NTRK2: variants seen among roughly 807,000 people sequenced by gnomAD.
The protein encoded by NTRK2 is neurotrophic receptor tyrosine kinase 2.
Under a neutral mutation model 94.5 loss-of-function variants are expected in NTRK2, and 13 were observed. That is an observed-to-expected ratio of 0.14 (90% CI 0.09 to 0.22). NTRK2 has a LOEUF of 0.22. Ranked by LOEUF, NTRK2 falls within the 10% of genes least tolerant of loss-of-function variation. The probability of loss-of-function intolerance (pLI) is 1.00; values close to 1 mark genes in which losing one functional copy is unlikely to be tolerated. For synonymous variants in NTRK2, 372 were observed against 407.4 expected, an observed-to-expected ratio of 0.91 and a Z score of 1.05; for missense variants, 639 against 1,071.2, an observed-to-expected ratio of 0.60 and a Z score of 5.63.
At chr9:84,843,411 G>C (rs115422153) in intron 12 of NTRK2, among the ~76,000 whole-genome samples, 6 of 152,100 alleles carry the variant, frequency 3.9e-5, no homozygotes, top group Admixed American at 2.0e-4. Context: ...CTTTCCTTCC[G>C]TTAGAGGTGG....
At chr9:84,806,331 G>A (rs1294603349) in intron 12 of NTRK2, among the ~76,000 whole-genome samples, 1 of 152,214 alleles carries the variant, frequency 6.6e-6, no homozygotes, top group African/African-American at 2.4e-5. Flanking sequence ...TTGAAGAATA[G>A]TCTGAGCGTC....
intron 6 of NTRK2, among the ~76,000 whole-genome samples, chr9:84,712,211 T>C (rs1295423738): frequency 1.3e-5 from 2 of 152,180 alleles, no homozygotes; most frequent in Non-Finnish European, 2.9e-5. Context: ...GCTTTGTCCT[T>C]GCCTGAAACC....
chr9:84,898,721 CT>C (rs1229674834), intron 14 of NTRK2, among the ~76,000 whole-genome samples: 1 of 150,800 alleles, frequency 6.6e-6, no homozygotes, highest in Non-Finnish European at 1.5e-5. Flanking sequence ...CTTTTTTTCT[CT>C]TTTTTTTCCT....
intron 9 of NTRK2, among the ~76,000 whole-genome samples, chr9:84,731,819 T>C (rs1441776319): frequency 6.6e-6 from 1 of 152,014 alleles, no homozygotes; most frequent in Non-Finnish European, 1.5e-5. Flanking sequence ...AAGATCCCCG[T>C]GTAATGTATC....
At chr9:84,920,476 C>A (rs1485255063) in intron 14 of NTRK2, among the ~76,000 whole-genome samples, 1 of 152,128 alleles carries the variant, frequency 6.6e-6, no homozygotes, top group Admixed American at 6.5e-5. Flanking sequence ...CCAGTTGTCC[C>A]TCCTTTGTGC....
intron 12 of NTRK2, chr9:84,814,375 A>G (rs1624327): frequency 0.71 from 759,736 of 1,065,262 alleles, 271,531 homozygotes; most frequent in East Asian, 0.88. Flanking sequence ...GAGAGAGAGC[A>G]TAATGGAGGG....
intron 14 of NTRK2, chr9:84,875,197 T>G: frequency 9.4e-7 from 1 of 1,058,240 alleles, no homozygotes; most frequent in Non-Finnish European, 1.1e-6. Context: ...CTGTTAATAT[T>G]TCTATAGTAA....
At chr9:84,959,275 T>C (rs529139711) in intron 17 of NTRK2, among the ~76,000 whole-genome samples, 1 of 152,296 alleles carries the variant, frequency 6.6e-6, no homozygotes, top group East Asian at 1.9e-4. Flanking sequence ...CACAGTTGTG[T>C]GTGGGTTTTT....
At chr9:84,747,869 G>A (rs1228415650) in intron 11 of NTRK2, among the ~76,000 whole-genome samples, 2 of 152,148 alleles carry the variant, frequency 1.3e-5, no homozygotes, top group Non-Finnish European at 2.9e-5. Flanking sequence ...GGCAAGATCA[G>A]TGAGTTTGTA....
chr9:84,986,832 G>A (rs1303985861), intron 17 of NTRK2, among the ~76,000 whole-genome samples: 1 of 152,216 alleles, frequency 6.6e-6, no homozygotes, highest in South Asian at 2.1e-4. Context: ...CATTCACTGT[G>A]TTTAAGTCCA....
At position 85,020,381 on chromosome 9, in the gene NTRK2, G is replaced by A. The variant is rs1376555388; in HGVS notation, c.2331+17G>A. ...AACAATGAGGTGTGCAATGGGTCTG[G>A]CCAAGACCCTCCAGAGGGCTGAGAT... On this transcript the variant is annotated intron_variant, in intron 18 of 18. Transcript: ENST00000277120. The A allele has an allele frequency of 1.2e-6, 2 of 1,613,980 alleles. No homozygotes were observed. Among genetic ancestry groups the A allele is most frequent in the South Asian group, 1.1e-5 (1 of 91,074 alleles).
intron 15 of NTRK2, among the ~76,000 whole-genome samples, chr9:84,943,737 T>C (rs1037102594): frequency 2.0e-5 from 3 of 152,168 alleles, no homozygotes; most frequent in Admixed American, 6.5e-5. Flanking sequence ...AAGCCTTGCA[T>C]AATTGAGTAA....
intron 13 of NTRK2, among the ~76,000 whole-genome samples, chr9:84,861,555 A>G (rs1159567868): frequency 6.6e-6 from 1 of 152,200 alleles, no homozygotes; most frequent in Non-Finnish European, 1.5e-5. Flanking sequence ...TCTAACGTCC[A>G]GACGCTGTGA....
chr9:84,754,308 T>C (rs796378122), intron 12 of NTRK2, among the ~76,000 whole-genome samples: 60 of 152,324 alleles, frequency 3.9e-4, no homozygotes, highest in African/African-American at 1.4e-3. Context: ...GAGACTTTTT[T>C]TTTTTTAGAA....
In NTRK2 at chr9:84,672,933, A is replaced by G. The variant is rs1455129150; in HGVS notation, c.212+1973A>G. 3.3e-5 allele frequency among the ~76,000 whole-genome samples: 5 copies of G among 152,186 alleles called. No homozygotes were observed. The East Asian group carries it at 9.6e-4, about 29-fold the overall frequency. ...AAAAATATTTACAAAAGCATGTGTC[A>G]TAGTTATTCATTCAATCGTGGCACT... On this transcript the variant is annotated intron_variant, in intron 2 of 18. Transcript: ENST00000277120.
chr9:84,805,604 G>A (rs139092029), intron 12 of NTRK2, among the ~76,000 whole-genome samples: 1 of 152,332 alleles, frequency 6.6e-6, no homozygotes, highest in East Asian at 1.9e-4. Flanking sequence ...CTTCAATTCA[G>A]TTGGGTTGTT....
chr9:84,726,504 C>G lies in NTRK2; in HGVS notation c.854-1150C>G, dbSNP rs536981128. 1.3e-5 allele frequency among the ~76,000 whole-genome samples: 2 copies of G among 151,968 alleles called. 1 individual carries two copies. Among genetic ancestry groups the G allele is most frequent in the South Asian group, 4.2e-4 (2 of 4,814 alleles). On this transcript the variant is annotated intron_variant, in intron 8 of 18. Coordinates refer to ENST00000277120, the MANE Select transcript of NTRK2 (RefSeq NM_006180.6). ...TCTGTCTAAAAAAACAAAAAACAAA[C>G]TAAAAATATTAACAACCAAGATAAC...
chr9:84,931,716 C>CAAAAAAAAAAAAAAAAAA (rs11395381), intron 14 of NTRK2, among the ~76,000 whole-genome samples: 3 of 100,362 alleles, frequency 3.0e-5, no homozygotes, highest in Non-Finnish European at 4.5e-5. Flanking sequence ...TAATAAAATG[C>CAAAAAAAAAAAAAAAAAA]AAAAAAAAAA....
At position 84,927,267 on chromosome 9, in the gene NTRK2, T is replaced by A. The variant is rs79032311; in HGVS notation, c.1634-6895T>A. ...GCTTGCATTTCTACTTAACACCTTG[T>A]CTTAACTTCCTATTTTATTTCTCTT... On this transcript the variant is annotated intron_variant, in intron 14 of 18. Coordinates refer to ENST00000277120, the MANE Select transcript of NTRK2 (RefSeq NM_006180.6). Among the ~76,000 whole-genome samples, 1,459 of 152,346 alleles carry A rather than the reference T, an allele frequency of 9.6e-3. 16 individuals carry two copies. Among genetic ancestry groups the A allele is most frequent in the Admixed American group, 0.018 (283 of 15,304 alleles).
Sources: gnomAD v4.1 joint callset for allele counts (sites outside exome capture counted in the v4.1 genomes callset) on GRCh38, gnomAD v4.1.1 for gene constraint, MANE v1.5 for transcripts, NCBI Gene and HGNC (gene_info 2026-07-23, HGNC 2026-07-21) for gene names.